ENTPD6: variants seen among roughly 807,000 people sequenced by gnomAD.
The protein encoded by ENTPD6 is ectonucleoside triphosphate diphosphohydrolase 6.
In ENTPD6, 46 loss-of-function variants were observed where a neutral mutation model predicts 61.5. The observed-to-expected ratio is 0.75, with a 90% CI of 0.59 to 0.96. The LOEUF (loss-of-function observed/expected upper bound fraction) is 0.96. Among genes scored for constraint, ENTPD6 ranks in the 40% least tolerant of loss-of-function variants. The pLI, the probability that ENTPD6 is intolerant of heterozygous loss-of-function variation, is 0.00. For synonymous variants in ENTPD6, 252 were observed against 255.5 expected (o/e 0.99, Z 0.13); for missense variants, 612 against 629.0 (o/e 0.97, Z 0.29).
At chr20:25,204,871 G>A (rs991464305) in intron 1 of ENTPD6, among the ~76,000 whole-genome samples, 1 of 152,170 alleles carries the variant, frequency 6.6e-6, no homozygotes, top group African/African-American at 2.4e-5. Context: ...CTTCTGGGCT[G>A]GGCATTCTCT....
chr20:25,216,549 CTT>C (rs2092321692), intron 7 of ENTPD6, 97 bp from the exon 8 acceptor site: 2 of 817,314 alleles, frequency 2.4e-6, no homozygotes. Context: ...ACTTCTCTGT[CTT>C]TTCTTTCCCC....
At chr20:25,200,365 TC>T (rs138351990) in intron 1 of ENTPD6, among the ~76,000 whole-genome samples, 1,688 of 152,348 alleles carry the variant, frequency 0.011, 31 homozygotes, top group African/African-American at 0.039. Context: ...TTTCTCCTGT[TC>T]TGTAGGTTGT....
chr20:25,214,890 G>A lies in ENTPD6; in HGVS notation c.621G>A (p.Ser207=), dbSNP rs61740272. The A allele has an allele frequency of 2.9e-3, 4,638 of 1,597,700 alleles. 110 individuals carry two copies. The African/African-American group carries it at 0.054, about 19-fold the overall frequency. The change falls in exon 6 of 15, where the codon TCG becomes TCA. Residue 207 remains serine (S), a synonymous_variant. Transcript: ENST00000376652. ...AGGTGAAAAAAGTATTTAAAGCATC[G>A]CCTTTCCTTGTAGGGGATGACTGTG... ...LQKVKKVFKA[S]PFLVGDDCVS... is the part of the protein sequence containing the mutation.
intron 4 of ENTPD6, among the ~76,000 whole-genome samples, chr20:25,211,452 G>A (rs1234674693): frequency 6.6e-6 from 1 of 152,176 alleles, no homozygotes; most frequent in East Asian, 1.9e-4. Flanking sequence ...TGCCTCGGAG[G>A]CCCACGTCCT....
chr20:25,221,233 T>A lies in ENTPD6; in HGVS notation c.945T>A (p.Ala315=). 6.2e-7 allele frequency: 1 copy of A among 1,611,716 alleles called. No individual in the cohort carries two copies. The part of the protein sequence containing the change: ...AILGGVEGQP[A]KDGKELVSPC... ...TTTCCTTTTTAATCTCTGTTTCAGC[T>A]AAGGATGGAAAGGAGTTGGTCAGCC... Residue 315 remains alanine, a splice_region_variant and synonymous_variant, in exon 11 of 15, where the codon GCT becomes GCA. Coordinates refer to ENST00000376652, the MANE Select transcript of ENTPD6 (RefSeq NM_001247.5).
chr20:25,224,281 C>T (rs2092731167), intron 13 of ENTPD6, 124 bp downstream of exon 13: 3 of 762,848 alleles, frequency 3.9e-6, no homozygotes, highest in Middle Eastern at 3.6e-4. Flanking sequence ...GCAGGGGCCT[C>T]GGCCCCAGCT....
intron 1 of ENTPD6, among the ~76,000 whole-genome samples, chr20:25,203,341 ATTCT>A (rs2091193990): frequency 6.6e-6 from 1 of 152,144 alleles, no homozygotes; most frequent in Admixed American, 6.5e-5. Context: ...GTTTTTAGCT[ATTCT>A]TTCTTCACAT....
chr20:25,224,360 C>T, intron 13 of ENTPD6: 1 of 453,506 alleles, frequency 2.2e-6, no homozygotes, highest in Non-Finnish European at 4.0e-6. Context: ...GATTCCACTT[C>T]CTCAGATGCC....
At chr20:25,197,288 A>C in intron 1 of ENTPD6, 1 of 950,068 alleles carries the variant, frequency 1.1e-6, no homozygotes. Flanking sequence ...ACCACCAACA[A>C]CACTGCTCTA....
At chr20:25,196,076 T>A (rs1203401055) in intron 1 of ENTPD6, 29 of 997,316 alleles carry the variant, frequency 2.9e-5, no homozygotes, top group Non-Finnish European at 3.9e-6. Context: ...AGTCCAGTGT[T>A]TTGGGCCACA....
chr20:25,209,622 AT>A (rs2091813343), intron 3 of ENTPD6, among the ~76,000 whole-genome samples: 1 of 151,440 alleles, frequency 6.6e-6, no homozygotes, highest in African/African-American at 2.4e-5. Context: ...TTTTAAAAAA[AT>A]AATTAATTAA....
chr20:25,204,049 C>T (rs970047147), intron 1 of ENTPD6, among the ~76,000 whole-genome samples: 1 of 152,170 alleles, frequency 6.6e-6, no homozygotes, highest in Non-Finnish European at 1.5e-5. Flanking sequence ...AAATCTCTTA[C>T]TTTCATTATG....
chr20:25,216,735 A>G lies in ENTPD6; in HGVS notation c.797A>G (p.Glu266Gly). 1 of 1,579,736 alleles carries G rather than the reference A, an allele frequency of 6.3e-7. No homozygotes were observed. The highest frequency in any genetic ancestry group is 2.3e-5 in the East Asian group (1 of 43,168). The stretch of plus-strand genomic sequence containing the variant: ...CAGATCGCCTTCCTGCCACGCGTGG[A>G]GGTAACAAGCCCTGCCGACCACAGC... ...STQIAFLPRV[E>G]GTLQASPPGY... is the part of the protein sequence containing the mutation. Residue 266 changes from glutamate to glycine, a missense_variant and splice_region_variant, in exon 8 of 15, where the codon GAG becomes GGG. Glu to Gly is a moderately conservative substitution (Grantham distance 98, BLOSUM62 -2). Coordinates refer to ENST00000376652, the MANE Select transcript of ENTPD6 (RefSeq NM_001247.5).
chr20:25,217,369 C>A, intron 8 of ENTPD6, 133 bp from the exon 9 acceptor site: 1 of 797,176 alleles, frequency 1.3e-6, no homozygotes. Context: ...TGTCTCGCAG[C>A]CAGCGACCTA....
In ENTPD6 at chr20:25,222,624, C is replaced by G. The variant is rs994871563; in HGVS notation, c.1046-214C>G. The G allele has an allele frequency of 1.1e-5, 6 of 535,744 alleles. No individual in the cohort carries two copies. In the Admixed American group the frequency reaches 2.1e-4, roughly 19 times the overall value. 33.2% of individuals were successfully genotyped at this position (535,744 alleles called of 1,614,324 possible). A position where few individuals can be genotyped will look rare whatever the true frequency, so the allele number is the denominator to read the frequency against. On this transcript the variant is annotated intron_variant, in intron 11 of 14. Transcript: ENST00000376652. ...CCTTCGTGCCCACGGTCTTCACTCC[C>G]TGCGCCGGGACCAACAATGCCCTGG...
intron 6 of ENTPD6, 86 bp downstream of exon 6, chr20:25,215,028 C>G: frequency 2.3e-6 from 2 of 853,788 alleles, no homozygotes; most frequent in Middle Eastern, 5.9e-4. Flanking sequence ...CATCCGCCAC[C>G]CCTCCCCGCC....
Position 25,226,051 on chromosome 20 carries a change from T to G in ENTPD6, c.*454T>G. 6.4e-6 allele frequency: 1 copy of G among 155,554 alleles called. No individual in the cohort carries two copies. The highest frequency in any genetic ancestry group is 1.4e-5 in the Non-Finnish European group (1 of 70,338). The allele number at this position is 155,554 out of a possible 1,614,324, so 9.6% of individuals were successfully genotyped here. The stretch of plus-strand genomic sequence containing the variant: ...GGGAGGCGGTGCAGGCTGTCCTGGC[T>G]GCTCTGGGGAAGCCGAGGGACAGCC... On this transcript the variant is annotated 3_prime_UTR_variant, in exon 15 of 15. Transcript: ENST00000376652.
chr20:25,214,751 A>C, intron 5 of ENTPD6, 116 bp from the exon 6 acceptor site: 1 of 676,002 alleles, frequency 1.5e-6, no homozygotes, highest in Non-Finnish European at 2.7e-6. Flanking sequence ...CCAGTTACAG[A>C]TTTTTTCGTT....
Position 25,218,569 on chromosome 20 carries a change from A to G in ENTPD6, c.898A>G (p.Met300Val). 1 of 1,608,060 alleles carries G rather than the reference A, an allele frequency of 6.2e-7. No individual in the cohort carries two copies. The highest frequency in any genetic ancestry group is 8.5e-7 in the Non-Finnish European group (1 of 1,178,870). The stretch of plus-strand genomic sequence containing the variant: ...CCACAGCTACCTCGGGCTCGGGCTG[A>G]TGTCGGCACGCCTGGCGATCCTGGG... ...YSYSYLGLGL[M>V]SARLAILGGV... The change falls in exon 10 of 15, where the codon ATG becomes GTG. Residue 300 changes from methionine (M) to valine (V), a missense_variant. Coordinates refer to ENST00000376652, the MANE Select transcript of ENTPD6 (RefSeq NM_001247.5).
Sources: gnomAD v4.1 joint callset for allele counts (sites outside exome capture counted in the v4.1 genomes callset) on GRCh38, gnomAD v4.1.1 for gene constraint, MANE v1.5 for transcripts, NCBI Gene and HGNC (gene_info 2026-07-23, HGNC 2026-07-21) for gene names.